PARN: variants seen among roughly 807,000 people sequenced by gnomAD.
PARN encodes poly(A)-specific ribonuclease, also known as poly(A)-specific ribonuclease PARN.
In PARN, 71 loss-of-function variants were observed where a neutral mutation model predicts 102.8. The ratio of observed to expected loss-of-function variants is 0.69; its 90% CI spans 0.57 to 0.84. The LOEUF is 0.84. Among genes scored for constraint, PARN ranks in the 40% least tolerant of loss-of-function variants. PARN has a pLI of 0.00. For missense variants in PARN, 782 were observed against 760.9 expected, an observed-to-expected ratio of 1.03 and a Z score of -0.33; for synonymous variants, 261 against 252.9, an observed-to-expected ratio of 1.03 and a Z score of -0.30.
intron 13 of PARN, among the ~76,000 whole-genome samples, chr16:14,588,759 G>A (rs1353084785): frequency 6.6e-6 from 1 of 152,070 alleles, no homozygotes; most frequent in Non-Finnish European, 1.5e-5. Flanking sequence ...GCGTACACCT[G>A]TAATCCCAGC....
chr16:14,442,300 T>G (rs1219522598), intron 23 of PARN, among the ~76,000 whole-genome samples: 1 of 152,148 alleles, frequency 6.6e-6, no homozygotes, highest in South Asian at 2.1e-4. Context: ...CAATTAAACA[T>G]GACCTGGGAA....
intron 2 of PARN, among the ~76,000 whole-genome samples, chr16:14,629,124 G>C (rs565436545): frequency 6.6e-6 from 1 of 152,322 alleles, no homozygotes; most frequent in African/African-American, 2.4e-5. Context: ...AAGGCTGGGC[G>C]AAAGGAGAAA....
At chr16:14,618,706 A>G (rs1054543257) in intron 5 of PARN, among the ~76,000 whole-genome samples, 3 of 152,126 alleles carry the variant, frequency 2.0e-5, no homozygotes, top group South Asian at 4.2e-4. Flanking sequence ...TATTCTCCCA[A>G]TAGGCAGAAA....
At chr16:14,551,561 T>C (rs570094301) in intron 21 of PARN, among the ~76,000 whole-genome samples, 12 of 152,188 alleles carry the variant, frequency 7.9e-5, no homozygotes, top group East Asian at 7.8e-4. Context: ...AGAGCGAGAC[T>C]ATGTCTCAAA....
chr16:14,444,628 C>T (rs1396330557), intron 23 of PARN, among the ~76,000 whole-genome samples: 2 of 152,174 alleles, frequency 1.3e-5, no homozygotes, highest in African/African-American at 2.4e-5. Flanking sequence ...CCAGAAGAGA[C>T]AGCTATGAAG....
intron 18 of PARN, among the ~76,000 whole-genome samples, chr16:14,558,845 T>C (rs1164355929): frequency 6.6e-6 from 1 of 152,148 alleles, no homozygotes; most frequent in African/African-American, 2.4e-5. Flanking sequence ...TTGGGAAACT[T>C]TGAGCTTTGT....
chr16:14,472,749 T>C (rs1962819444), intron 22 of PARN, among the ~76,000 whole-genome samples: 1 of 152,192 alleles, frequency 6.6e-6, no homozygotes, highest in African/African-American at 2.4e-5. Flanking sequence ...CAAAACAATA[T>C]AACATTTAAG....
At chr16:14,463,847 GGGGAC>G (rs942098770) in intron 22 of PARN, among the ~76,000 whole-genome samples, 6 of 140,574 alleles carry the variant, frequency 4.3e-5, no homozygotes, top group Non-Finnish European at 7.8e-5. Flanking sequence ...TTGGGGGGGG[GGGGAC>G]GACAAGGTCT....
At chr16:14,551,428 G>C (rs936080114) in intron 21 of PARN, among the ~76,000 whole-genome samples, 1 of 151,752 alleles carries the variant, frequency 6.6e-6, no homozygotes, top group South Asian at 2.1e-4. Context: ...AATTAGCCGG[G>C]TATCATGTTG....
At chr16:14,550,218 A>G (rs1967208242) in intron 21 of PARN, among the ~76,000 whole-genome samples, 1 of 151,952 alleles carries the variant, frequency 6.6e-6, no homozygotes, top group Non-Finnish European at 1.5e-5. Flanking sequence ...TTCTCTCTAA[A>G]CCATCTTTCT....
intron 21 of PARN, among the ~76,000 whole-genome samples, chr16:14,546,541 A>G (rs1405655048): frequency 2.0e-5 from 3 of 152,354 alleles, no homozygotes; most frequent in Admixed American, 6.5e-5. Flanking sequence ...AGTTTCTTAC[A>G]GTATCTACTG....
intron 7 of PARN, among the ~76,000 whole-genome samples, chr16:14,609,801 T>C (rs1057123798): frequency 2.0e-5 from 3 of 152,300 alleles, no homozygotes; most frequent in South Asian, 2.1e-4. Context: ...AAAGAGAACA[T>C]GGACATGCTA....
At position 14,483,607 on chromosome 16, in the gene PARN, CAT is replaced by C. The variant is rs200981823; in HGVS notation, c.1481-782_1481-781del. 7.8e-3 allele frequency among the ~76,000 whole-genome samples: 1,186 copies of C among 152,288 alleles called. 10 individuals carry two copies. The highest frequency in any genetic ancestry group is 9.6e-3 in the Non-Finnish European group (656 of 68,028). On this transcript the variant is annotated intron_variant, in intron 21 of 23. Transcript: ENST00000437198. Reference sequence around the variant, plus strand: ...AGTTTTAAACAAATTTGTACACCCACATGTCATCCATCACGCAAATTAAGATA... The same window carrying C: ...AGTTTTAAACAAATTTGTACACCCACGTCATCCATCACGCAAATTAAGATA...
chr16:14,629,605 T>TC lies in PARN; in HGVS notation c.88dup (p.Glu30GlyfsTer7). Reference sequence around the variant, plus strand: ...TTGCAAGGGAGGGATACCTGAAAACTCCCCATCGATGGCGAAGAAGTCGGC... The same window carrying TC: ...TTGCAAGGGAGGGATACCTGAAAACTCCCCCATCGATGGCGAAGAAGTCGGC... On this transcript the variant is annotated frameshift_variant, in exon 2 of 24. Coordinates refer to ENST00000437198, the MANE Select transcript of PARN (RefSeq NM_002582.4). LOFTEE classifies it high-confidence loss of function. 6.2e-7 allele frequency: 1 copy of TC among 1,611,544 alleles called. No homozygotes were observed. The highest frequency in any genetic ancestry group is 8.5e-7 in the Non-Finnish European group (1 of 1,177,614).
Position 14,627,183 on chromosome 16 carries a change from T to C in PARN, c.250A>G (p.Ile84Val), listed in dbSNP as rs1430004851. 7 of 1,596,184 alleles carry C rather than the reference T, an allele frequency of 4.4e-6. No individual in the cohort carries two copies. Among genetic ancestry groups the C allele is most frequent in the Non-Finnish European group, 6.0e-6 (7 of 1,166,328 alleles). ...FKYDYTDSKY[I>V]TKSFNFYVFP... ...ACATAGAAGTTAAATGACTTCGTTA[T>C]ATACCTGGGATAAGATAAAAGGAGA... Residue 84 changes from isoleucine (I) to valine (V), a missense_variant, in exon 5 of 24, where the codon ATA (isoleucine) becomes GTA (valine). Transcript: ENST00000437198.
intron 7 of PARN, among the ~76,000 whole-genome samples, chr16:14,609,539 C>G (rs1190359960): frequency 9.9e-5 from 15 of 152,002 alleles, no homozygotes; most frequent in Non-Finnish European, 2.9e-5. Flanking sequence ...TCACTGCACT[C>G]CAGCCTTGGC....
intron 22 of PARN, 55 bp from the exon 23 acceptor site, chr16:14,447,136 A>C: frequency 1.6e-6 from 2 of 1,220,642 alleles, no homozygotes; most frequent in Non-Finnish European, 2.3e-6. Flanking sequence ...CAGGAAGACT[A>C]GTCTATAAAA....
chr16:14,457,381 C>T (rs1295776454), intron 22 of PARN, among the ~76,000 whole-genome samples: 1 of 152,152 alleles, frequency 6.6e-6, no homozygotes, highest in African/African-American at 2.4e-5. Context: ...ATGAGCATGA[C>T]TGTTTCTGTG....
chr16:14,617,413 A>G (rs936626862), intron 6 of PARN, among the ~76,000 whole-genome samples, 177 bp downstream of exon 6: 9 of 151,528 alleles, frequency 5.9e-5, no homozygotes, highest in Non-Finnish European at 1.3e-4. Flanking sequence ...AATCACAGTA[A>G]GCAAGTTTTT....
Sources: gnomAD v4.1 joint callset for allele counts (sites outside exome capture counted in the v4.1 genomes callset) on GRCh38, gnomAD v4.1.1 for gene constraint, MANE v1.5 for transcripts, NCBI Gene and HGNC (gene_info 2026-07-23, HGNC 2026-07-21) for gene names.